Variants in PIK3AP1 observed in about 807,000 individuals in gnomAD.
PIK3AP1 encodes the protein phosphoinositide-3-kinase adaptor protein 1.
PIK3AP1 carries 21 observed loss-of-function variants against 88.1 expected under a neutral mutation model. The ratio of observed to expected loss-of-function variants is 0.24; its 90% CI spans 0.17 to 0.34. PIK3AP1 has a LOEUF of 0.34. Among genes scored for constraint, PIK3AP1 ranks in the 10% least tolerant of loss-of-function variants. The pLI is 1.00. For missense variants in PIK3AP1, 828 were observed against 1,035.7 expected, an observed-to-expected ratio of 0.80 and a Z score of 2.75; for synonymous variants, 398 against 400.0, an observed-to-expected ratio of 1.00 and a Z score of 0.06.
At chr10:96,713,417 T>C (rs556477755) in intron 1 of PIK3AP1, among the ~76,000 whole-genome samples, 6 of 144,612 alleles carry the variant, frequency 4.1e-5, no homozygotes, top group African/African-American at 1.6e-4. Context: ...GGCAGGAGAA[T>C]GGCATGGACC....
chr10:96,641,086 C>CGTGTGTGTGTGT (rs56816682), intron 8 of PIK3AP1, among the ~76,000 whole-genome samples: 8 of 143,228 alleles, frequency 5.6e-5, no homozygotes, highest in Admixed American at 3.5e-4. Flanking sequence ...GTGAGTGTGC[C>CGTGTGTGTGTGT]GTGTGTGTGT....
At chr10:96,712,868 C>T (rs1844456156) in intron 1 of PIK3AP1, among the ~76,000 whole-genome samples, 2 of 152,218 alleles carry the variant, frequency 1.3e-5, no homozygotes, top group Non-Finnish European at 2.9e-5. Context: ...CACCACCTTC[C>T]TCTGCATACA....
intron 10 of PIK3AP1, among the ~76,000 whole-genome samples, chr10:96,624,044 G>A (rs991742206): frequency 6.6e-6 from 1 of 151,958 alleles, no homozygotes; most frequent in Non-Finnish European, 1.5e-5. Flanking sequence ...GTGGTAAGAT[G>A]ACATGGTGAT....
At chr10:96,662,336 C>T (rs1843698481) in intron 2 of PIK3AP1, among the ~76,000 whole-genome samples, 1 of 152,108 alleles carries the variant, frequency 6.6e-6, no homozygotes, top group South Asian at 2.1e-4. Context: ...CGCAGTGGCT[C>T]ACACCTGTAA....
At chr10:96,658,282 G>C (rs1199187034) in intron 2 of PIK3AP1, among the ~76,000 whole-genome samples, 1 of 152,154 alleles carries the variant, frequency 6.6e-6, no homozygotes, top group Non-Finnish European at 1.5e-5. Context: ...TAGTTTGGCT[G>C]ATTCCTGCAG....
At chr10:96,648,622 C>A in intron 7 of PIK3AP1, 37 bp downstream of exon 7, 1 of 1,568,142 alleles carries the variant, frequency 6.4e-7, no homozygotes, top group African/African-American at 1.4e-5. Context: ...CCACAGAGTG[C>A]ATTTCCAATC....
intron 8 of PIK3AP1, among the ~76,000 whole-genome samples, chr10:96,640,004 G>C (rs1195853600): frequency 6.6e-6 from 1 of 152,198 alleles, no homozygotes; most frequent in Non-Finnish European, 1.5e-5. Context: ...CTCAGGTAAA[G>C]AAAACACTGC....
chr10:96,691,501 TG>T (rs1844154633), intron 2 of PIK3AP1, among the ~76,000 whole-genome samples: 1 of 152,116 alleles, frequency 6.6e-6, no homozygotes, highest in South Asian at 2.1e-4. Context: ...TTTTCTTGGA[TG>T]GGGGAGGTGG....
At chr10:96,633,158 A>G in intron 8 of PIK3AP1, 1 of 1,333,574 alleles carries the variant, frequency 7.5e-7, no homozygotes, top group Non-Finnish European at 1.0e-6. Flanking sequence ...GGAAAGCCCA[A>G]AGAATGCTGT....
chr10:96,601,294 C>A (rs532893095), intron 16 of PIK3AP1, among the ~76,000 whole-genome samples: 12 of 151,644 alleles, frequency 7.9e-5, no homozygotes, highest in African/African-American at 2.9e-4. Context: ...GTCAAAATGG[C>A]GAAACCCTGT....
At chr10:96,716,522 T>C (rs1253382840) in intron 1 of PIK3AP1, among the ~76,000 whole-genome samples, 2 of 152,200 alleles carry the variant, frequency 1.3e-5, no homozygotes, top group Non-Finnish European at 1.5e-5. Flanking sequence ...TTCCCGAATA[T>C]TGCTGTGCTG....
At chr10:96,604,344 A>ATTTTTTTTTTTTT (rs66487275) in intron 14 of PIK3AP1, among the ~76,000 whole-genome samples, 5 of 77,126 alleles carry the variant, frequency 6.5e-5, no homozygotes, top group African/African-American at 1.0e-4. Context: ...CACCTAGCCA[A>ATTTTTTTTTTTTT]TTTTTTTTTT....
At position 96,654,975 on chromosome 10, in the gene PIK3AP1, G is replaced by A. The variant is rs570364193; in HGVS notation, c.567+1823C>T. On this transcript the variant is annotated intron_variant, in intron 3 of 16. Transcript: ENST00000339364. ...CCATGTACAGGGTTGCTTGGCCCCCGCCAGTCATCTCAGGCCTAATATGAC... is the reference window on the plus strand; with the variant it reads ...CCATGTACAGGGTTGCTTGGCCCCCACCAGTCATCTCAGGCCTAATATGAC... 2.4e-4 allele frequency among the ~76,000 whole-genome samples: 36 copies of A among 152,300 alleles called. 2 individuals are homozygous for A. In the South Asian group the frequency reaches 7.2e-3, roughly 31 times the overall value.
At chr10:96,704,166 G>A (rs1049614649) in intron 2 of PIK3AP1, among the ~76,000 whole-genome samples, 2 of 152,150 alleles carry the variant, frequency 1.3e-5, no homozygotes, top group African/African-American at 2.4e-5. Context: ...GGAAGAGAAC[G>A]CAGGAGCTCT....
Position 96,645,711 on chromosome 10 carries a change from CG to C in PIK3AP1, c.1186-50del, listed in dbSNP as rs779953222. 3 of 1,519,214 alleles carry C rather than the reference CG, an allele frequency of 2.0e-6. No individual in the cohort carries two copies. The South Asian group carries it at 3.8e-5, about 19-fold the overall frequency. The allele number at this position is 1,519,214 out of a possible 1,614,324, so 94.1% of individuals were successfully genotyped here. ...GGCGCCCTGAGGCAGCCTGACTTTC[CG>C]GGTGGAACTTGGCCCCCGAAGGCAC... is the stretch of plus-strand genomic sequence containing the variant. On this transcript the variant is annotated intron_variant, in intron 7 of 16. Coordinates refer to ENST00000339364, the MANE Select transcript of PIK3AP1 (RefSeq NM_152309.3).
At chr10:96,661,853 G>A (rs1228962336) in intron 2 of PIK3AP1, among the ~76,000 whole-genome samples, 2 of 149,316 alleles carry the variant, frequency 1.3e-5, no homozygotes, top group African/African-American at 5.0e-5. Flanking sequence ...AAAGGGAAAG[G>A]GAAAGGAAAG....
chr10:96,686,759 A>C (rs1844074720), intron 2 of PIK3AP1, among the ~76,000 whole-genome samples: 1 of 152,036 alleles, frequency 6.6e-6, no homozygotes, highest in Non-Finnish European at 1.5e-5. Context: ...GCTGTGCGTC[A>C]TATCTCTTCC....
intron 2 of PIK3AP1, among the ~76,000 whole-genome samples, chr10:96,680,117 C>T (rs896353517): frequency 2.0e-5 from 3 of 152,144 alleles, no homozygotes; most frequent in Non-Finnish European, 4.4e-5. Flanking sequence ...ATAAATGGTT[C>T]CAAGCTTCTT....
chr10:96,658,136 T>G (rs1190723833), intron 2 of PIK3AP1, among the ~76,000 whole-genome samples: 2 of 152,042 alleles, frequency 1.3e-5, no homozygotes, highest in African/African-American at 4.8e-5. Context: ...GGGTTTGCTC[T>G]TATTCATTCC....
Sources: gnomAD v4.1 joint callset for allele counts (sites outside exome capture counted in the v4.1 genomes callset) on GRCh38, gnomAD v4.1.1 for gene constraint, MANE v1.5 for transcripts, NCBI Gene and HGNC (gene_info 2026-07-23, HGNC 2026-07-21) for gene names.